TOM1L1: variants seen among roughly 807,000 people sequenced by gnomAD.
TOM1L1 encodes the protein TOM1-like protein 1.
TOM1L1 carries 64 observed loss-of-function variants against 63.4 expected under a neutral mutation model. The observed-to-expected ratio is 1.01, with a 90% CI of 0.83 to 1.24. TOM1L1 has a LOEUF of 1.24. Among genes scored for constraint, TOM1L1 ranks in the 50% most tolerant of loss-of-function variants. The pLI, the probability that TOM1L1 is intolerant of heterozygous loss-of-function variation, is 0.00. For synonymous variants in TOM1L1, 166 were observed against 194.4 expected, an observed-to-expected ratio of 0.85 and a Z score of 1.22; for missense variants, 536 against 567.0, an observed-to-expected ratio of 0.95 and a Z score of 0.55.
intron 11 of TOM1L1, among the ~76,000 whole-genome samples, chr17:54,940,266 AACTTT>A (rs2049014816): frequency 6.6e-6 from 1 of 152,200 alleles, no homozygotes; most frequent in African/African-American, 2.4e-5. Context: ...AATGATGTTC[AACTTT>A]ACTTATAGAG....
chr17:54,933,364 C>G lies in TOM1L1; in HGVS notation c.854+3158C>G, dbSNP rs373667202. 9.8e-5 allele frequency among the ~76,000 whole-genome samples: 15 copies of G among 152,294 alleles called. No homozygotes were observed. The East Asian group carries it at 1.9e-3, about 20-fold the overall frequency. On this transcript the variant is annotated intron_variant, in intron 8 of 15. Coordinates refer to ENST00000575882, the MANE Select transcript of TOM1L1 (RefSeq NM_005486.3). ...CATCTGTACAGTCCCAGATAATCTC[C>G]CAATTAAGGGCAGCTTACTAATGTG...
intron 3 of TOM1L1, among the ~76,000 whole-genome samples, chr17:54,912,349 A>G (rs1161384438): frequency 2.0e-5 from 3 of 152,180 alleles, no homozygotes; most frequent in Non-Finnish European, 4.4e-5. Flanking sequence ...ACTGGGACAG[A>G]TATTATTCCA....
intron 11 of TOM1L1, among the ~76,000 whole-genome samples, chr17:54,939,935 T>G (rs944407966): frequency 6.6e-6 from 1 of 152,216 alleles, no homozygotes; most frequent in Non-Finnish European, 1.5e-5. Context: ...CAAGTTTGTA[T>G]AGCCAGTAAG....
chr17:54,920,518 G>T (rs956212953), intron 7 of TOM1L1, among the ~76,000 whole-genome samples: 2 of 152,208 alleles, frequency 1.3e-5, no homozygotes, highest in Middle Eastern at 6.3e-3. Context: ...ACTATTCAGT[G>T]CCTGATAAAG....
At position 54,961,805 on chromosome 17, in the gene TOM1L1, A is replaced by C. The variant is rs1052767400; in HGVS notation, c.*572A>C. ...TCCTGAACAGGTCACTAGACTCTACATTGGGCAGCCTTTAAATATGATTCT... is the reference window on the plus strand; with the variant it reads ...TCCTGAACAGGTCACTAGACTCTACCTTGGGCAGCCTTTAAATATGATTCT... On this transcript the variant is annotated 3_prime_UTR_variant, in exon 16 of 16. Transcript: ENST00000575882. 3.4e-5 allele frequency: 34 copies of C among 985,968 alleles called. No individual in the cohort carries two copies. Among genetic ancestry groups the C allele is most frequent in the Admixed American group, 6.1e-5 (1 of 16,332 alleles). The allele number at this position is 985,968 out of a possible 1,614,324, so 61.1% of individuals were successfully genotyped here.
chr17:54,910,802 GA>G (rs1260922993), intron 3 of TOM1L1, among the ~76,000 whole-genome samples: 1 of 152,202 alleles, frequency 6.6e-6, no homozygotes, highest in East Asian at 1.9e-4. Context: ...TATATTTTCT[GA>G]TTATTTCTTG....
intron 4 of TOM1L1, among the ~76,000 whole-genome samples, chr17:54,913,290 G>T (rs560430476): frequency 1.9e-4 from 29 of 152,272 alleles, no homozygotes; most frequent in African/African-American, 7.0e-4. Flanking sequence ...TGAGCATTTT[G>T]CCCATGGCAT....
intron 11 of TOM1L1, among the ~76,000 whole-genome samples, chr17:54,940,684 G>GT (rs2049020748): frequency 6.6e-6 from 1 of 152,094 alleles, no homozygotes; most frequent in East Asian, 1.9e-4. Context: ...AGGAAAAAAA[G>GT]GTGCTAAGTA....
intron 14 of TOM1L1, chr17:54,957,025 G>A (rs189442931): frequency 6.6e-6 from 1 of 152,320 alleles, no homozygotes; most frequent in Admixed American, 6.5e-5. Context: ...AAATTGCTGA[G>A]GTCTGTCATG....
chr17:54,936,763 G>A (rs2048954403), intron 9 of TOM1L1, 54 bp downstream of exon 9: 3 of 1,497,458 alleles, frequency 2.0e-6, no homozygotes, highest in Non-Finnish European at 2.7e-6. Context: ...GCCAATTACA[G>A]TGAGAAGCAA....
chr17:54,930,409 T>C (rs1196400280), intron 8 of TOM1L1: 2 of 568,274 alleles, frequency 3.5e-6, no homozygotes, highest in Non-Finnish European at 5.8e-6. Context: ...TTCTCCTAGT[T>C]AAAGTGACAT....
At chr17:54,927,277 A>G (rs568142763) in intron 7 of TOM1L1, among the ~76,000 whole-genome samples, 29 of 152,364 alleles carry the variant, frequency 1.9e-4, no homozygotes, top group African/African-American at 6.7e-4. Context: ...CCATACAGAT[A>G]GTATTTCCAG....
Position 54,915,758 on chromosome 17 carries a change from C to T in TOM1L1, c.616C>T (p.His206Tyr), listed in dbSNP as rs781172915. Residue 206 changes from histidine to tyrosine, a missense_variant, in exon 7 of 16, where the codon CAC becomes TAC. His to Tyr is a moderately conservative substitution (Grantham distance 83). Transcript: ENST00000575882. The part of the protein sequence containing the change: ...TLVPEQIGKL[H>Y]SELDMVKMNV... ...TTGCTCTCTACAGATTGGAAAACTGCACAGTGAATTGGATATGGTGAAAAT... is the reference window on the plus strand; with the variant it reads ...TTGCTCTCTACAGATTGGAAAACTGTACAGTGAATTGGATATGGTGAAAAT... 1.6e-5 allele frequency: 26 copies of T among 1,607,580 alleles called. No individual in the cohort carries two copies. Among genetic ancestry groups the T allele is most frequent in the Middle Eastern group, 1.7e-4 (1 of 6,048 alleles).
Position 54,960,642 on chromosome 17 carries a change from T to A in TOM1L1, c.*1+15T>A. The A allele has an allele frequency of 6.4e-7, 1 of 1,566,256 alleles. No individual in the cohort carries two copies. Among genetic ancestry groups the A allele is most frequent in the Non-Finnish European group, 8.8e-7 (1 of 1,137,450 alleles). On this transcript the variant is annotated intron_variant, in intron 15 of 15. Coordinates refer to ENST00000575882, the MANE Select transcript of TOM1L1 (RefSeq NM_005486.3). ...TGGTGACTGAGGTAAAGACTTCAAC[T>A]TATACAACTTAATTCCATATTCCAT...
intron 7 of TOM1L1, among the ~76,000 whole-genome samples, chr17:54,923,311 T>G (rs2048713398): frequency 6.6e-6 from 1 of 152,072 alleles, no homozygotes; most frequent in Non-Finnish European, 1.5e-5. Flanking sequence ...TCAAAATGTT[T>G]TGCACAATGG....
At chr17:54,919,802 ATT>A (rs34885580) in intron 7 of TOM1L1, among the ~76,000 whole-genome samples, 1 of 150,480 alleles carries the variant, frequency 6.6e-6, no homozygotes, top group Admixed American at 6.6e-5. Flanking sequence ...TTGACAAATA[ATT>A]TTTTTTTTAC....
At chr17:54,914,616 A>G (rs2048556269) in intron 5 of TOM1L1, 23 bp from the exon 6 acceptor site, 3 of 1,584,366 alleles carry the variant, frequency 1.9e-6, no homozygotes, top group Middle Eastern at 1.7e-4. Flanking sequence ...ACATAATAAT[A>G]TTACCATGTT....
Position 54,961,341 on chromosome 17 carries a change from A to T in TOM1L1, c.*108A>T, listed in dbSNP as rs756559193. ...GAAGACAATACCTACCAACATGTCA[A>T]AGCCATGGTGGCACATTTCTGCTAT... On this transcript the variant is annotated 3_prime_UTR_variant, in exon 16 of 16. Coordinates refer to ENST00000575882, the MANE Select transcript of TOM1L1 (RefSeq NM_005486.3). 1.4e-5 allele frequency: 21 copies of T among 1,551,386 alleles called. No individual in the cohort carries two copies. Among genetic ancestry groups the T allele is most frequent in the Non-Finnish European group, 4.4e-6 (5 of 1,146,882 alleles).
At chr17:54,942,762 C>G (rs2049052294) in intron 11 of TOM1L1, among the ~76,000 whole-genome samples, 1 of 152,100 alleles carries the variant, frequency 6.6e-6, no homozygotes. Flanking sequence ...ATTCAAATAA[C>G]TACCCCCAGT....
Sources: allele counts gnomAD v4.1 joint callset (sites outside exome capture counted in the v4.1 genomes callset), GRCh38; gene constraint gnomAD v4.1.1; transcripts MANE v1.5; gene names NCBI Gene and HGNC (gene_info 2026-07-23, HGNC 2026-07-21).